The following PPP3CB variants were observed in gnomAD, a reference collection of about 807,000 sequenced individuals.
PPP3CB encodes the protein protein phosphatase 3 catalytic subunit beta.
PPP3CB carries 8 observed loss-of-function variants against 66.4 expected under a neutral mutation model. That is an observed-to-expected ratio of 0.12 (90% CI 0.07 to 0.22). The LOEUF (loss-of-function observed/expected upper bound fraction) is 0.22, where lower values mean the gene tolerates loss of function less well. Among genes scored for constraint, PPP3CB ranks in the 10% least tolerant of loss-of-function variants. The pLI, the probability that PPP3CB is intolerant of heterozygous loss-of-function variation, is 1.00. For missense variants in PPP3CB, 319 were observed against 642.5 expected, an observed-to-expected ratio of 0.50 and a Z score of 5.44; for synonymous variants, 208 against 221.2, an observed-to-expected ratio of 0.94 and a Z score of 0.53.
chr10:73,438,080 G>A lies in PPP3CB; in HGVS notation c.*162C>T. On this transcript the variant is annotated 3_prime_UTR_variant, in exon 14 of 14. Coordinates refer to ENST00000360663, the MANE Select transcript of PPP3CB (RefSeq NM_021132.4). Reference sequence around the variant, plus strand: ...CTTATCAGATAGCACATGTCCCAGGGCCCTCAAGCCTCCATCCAGGAAGGG... The same window carrying A: ...CTTATCAGATAGCACATGTCCCAGGACCCTCAAGCCTCCATCCAGGAAGGG... 3.0e-6 allele frequency: 2 copies of A among 664,634 alleles called. No individual in the cohort carries two copies. The highest frequency in any genetic ancestry group is 3.0e-5 in the East Asian group (1 of 33,868). 41.2% of individuals were successfully genotyped at this position (664,634 alleles called of 1,614,324 possible). A position where few individuals can be genotyped will look rare whatever the true frequency, so the allele number is the denominator to read the frequency against.
chr10:73,444,694 T>C (rs774182655), intron 12 of PPP3CB, 31 bp downstream of exon 12: 1 of 1,613,896 alleles, frequency 6.2e-7, no homozygotes, highest in South Asian at 1.1e-5. Context: ...CCAGTCCATC[T>C]GAGGCACAGC....
Position 73,493,103 on chromosome 10 carries a change from G to A in PPP3CB, c.85+2702C>T, listed in dbSNP as rs1272313468. On this transcript the variant is annotated intron_variant, in intron 1 of 13. Coordinates refer to ENST00000360663, the MANE Select transcript of PPP3CB (RefSeq NM_021132.4). ...AGCCTGGCCAACATGGTGAAACCCC[G>A]TCTCTGCTAAAAAATACAAAAAATT... is the stretch of plus-strand genomic sequence containing the variant. Among the ~76,000 whole-genome samples, 3 of 152,016 alleles carry A rather than the reference G, an allele frequency of 2.0e-5. No homozygotes were observed. In the East Asian group the frequency reaches 5.8e-4, roughly 29 times the overall value.
rs370254375 is a variant in PPP3CB at position 73,451,076 on chromosome 10, A to C, written c.1186+3336T>G. Reference sequence around the variant, plus strand: ...ATTCATATAAATCATAGGTACCTAAAACCAAGTACTATAATTAGACTTAAC... The same window carrying C: ...ATTCATATAAATCATAGGTACCTAACACCAAGTACTATAATTAGACTTAAC... On this transcript the variant is annotated intron_variant, in intron 10 of 13. Transcript: ENST00000360663. Among the ~76,000 whole-genome samples the C allele has an allele frequency of 2.0e-4, 30 of 152,244 alleles. No individual in the cohort carries two copies. In the East Asian group the frequency reaches 2.7e-3, roughly 14 times the overall value.
At chr10:73,444,658 T>A in intron 12 of PPP3CB, 67 bp downstream of exon 12, 1 of 1,604,742 alleles carries the variant, frequency 6.2e-7, no homozygotes, top group Non-Finnish European at 8.5e-7. Flanking sequence ...ATTATGTGAA[T>A]TGTTAGCAAA....
intron 9 of PPP3CB, among the ~76,000 whole-genome samples, chr10:73,460,265 C>CAAAAAAAAAAAAAAAAAAAAAAAAAAAAA (rs11447229): frequency 2.8e-5 from 1 of 35,824 alleles, no homozygotes; most frequent in Non-Finnish European, 5.9e-5. Flanking sequence ...AAAGTAATAG[C>CAAAAAAAAAAAAAAAAAAAAAAAAAAAAA]AAAAAAAAAA....
intron 1 of PPP3CB, among the ~76,000 whole-genome samples, chr10:73,486,460 C>T (rs578231668): frequency 5.9e-5 from 9 of 152,192 alleles, no homozygotes; most frequent in African/African-American, 1.9e-4. Flanking sequence ...CATGCACCAC[C>T]ACGCCTGGCT....
At chr10:73,472,300 G>T (rs961594170) in intron 4 of PPP3CB, among the ~76,000 whole-genome samples, 1 of 152,120 alleles carries the variant, frequency 6.6e-6, no homozygotes, top group Non-Finnish European at 1.5e-5. Context: ...TTTGAGACCA[G>T]TCTGGCCAAC....
At chr10:73,459,430 G>A (rs2056485024) in intron 9 of PPP3CB, among the ~76,000 whole-genome samples, 1 of 152,272 alleles carries the variant, frequency 6.6e-6, no homozygotes, top group Non-Finnish European at 1.5e-5. Flanking sequence ...AGCTTGCAGT[G>A]AGCCAAGATC....
intron 9 of PPP3CB, among the ~76,000 whole-genome samples, chr10:73,461,704 CTT>C (rs1384691450): frequency 6.6e-6 from 1 of 152,142 alleles, no homozygotes; most frequent in Admixed American, 6.5e-5. Flanking sequence ...TGAGTTAAGA[CTT>C]TGGGGAACCA....
chr10:73,485,908 TTGTGTGTGTGTGTG>T lies in PPP3CB; in HGVS notation c.86-6405_86-6392del, dbSNP rs57190155. 9.6e-3 allele frequency among the ~76,000 whole-genome samples: 1,159 copies of T among 121,314 alleles called. 12 individuals carry two copies. Among genetic ancestry groups the T allele is most frequent in the African/African-American group, 0.029 (928 of 32,280 alleles). The allele number at this position is 121,314 out of a possible 152,430, so 79.6% of individuals were successfully genotyped here. On this transcript the variant is annotated intron_variant, in intron 1 of 13. Transcript: ENST00000360663. ...GGCACACACCACCACACCTGGCTAATTGTGTGTGTGTGTGTGTGTGTGTGTGTGTGTGTGTGTGT... is the reference window on the plus strand; with the variant it reads ...GGCACACACCACCACACCTGGCTAATTGTGTGTGTGTGTGTGTGTGTGTGT...
At chr10:73,440,837 T>C (rs930673517) in intron 12 of PPP3CB, among the ~76,000 whole-genome samples, 11 of 152,228 alleles carry the variant, frequency 7.2e-5, no homozygotes, top group African/African-American at 2.7e-4. Context: ...ATTATTGGTA[T>C]AGTGTGTCAC....
intron 8 of PPP3CB, 31 bp from the exon 9 acceptor site, chr10:73,467,709 A>T (rs776837981): frequency 4.0e-6 from 6 of 1,489,276 alleles, no homozygotes; most frequent in Non-Finnish European, 5.5e-6. Flanking sequence ...CAATAACTTA[A>T]TAGATAAGTA....
At chr10:73,439,801 C>T (rs2056117397) in intron 13 of PPP3CB, 71 bp downstream of exon 13, 2 of 1,524,908 alleles carry the variant, frequency 1.3e-6, no homozygotes, top group Admixed American at 1.7e-5. Context: ...GTAAAACACA[C>T]CCACAGGACA....
intron 4 of PPP3CB, among the ~76,000 whole-genome samples, chr10:73,473,370 C>A (rs1362152470): frequency 6.6e-6 from 1 of 152,020 alleles, no homozygotes; most frequent in African/African-American, 2.4e-5. Context: ...AGCACAAAGG[C>A]AGGCCAGATG....
At chr10:73,482,542 CAAA>C (rs537336452) in intron 1 of PPP3CB, among the ~76,000 whole-genome samples, 2 of 36,744 alleles carry the variant, frequency 5.4e-5, no homozygotes, top group African/African-American at 9.5e-5. Flanking sequence ...GACTCCGTCT[CAAA>C]AAAAAAAAAA....
chr10:73,456,509 G>C (rs1327799507), intron 9 of PPP3CB, among the ~76,000 whole-genome samples: 2 of 152,166 alleles, frequency 1.3e-5, no homozygotes, highest in East Asian at 3.8e-4. Flanking sequence ...ACAGAACAGA[G>C]AGTCCAGAAA....
chr10:73,441,219 A>T (rs1357749285), intron 12 of PPP3CB, among the ~76,000 whole-genome samples: 1 of 152,262 alleles, frequency 6.6e-6, no homozygotes, highest in Non-Finnish European at 1.5e-5. Flanking sequence ...TGTTGATCTT[A>T]ACCAGACAGT....
intron 2 of PPP3CB, 37 bp downstream of exon 2, chr10:73,479,280 A>T: frequency 6.4e-7 from 1 of 1,568,398 alleles, no homozygotes; most frequent in Non-Finnish European, 8.8e-7. Context: ...AAATAATGAC[A>T]TAATAAAAAT....
At chr10:73,488,571 A>G (rs1327185331) in intron 1 of PPP3CB, among the ~76,000 whole-genome samples, 1 of 151,628 alleles carries the variant, frequency 6.6e-6, no homozygotes, top group Non-Finnish European at 1.5e-5. Flanking sequence ...AAAAAAAAAA[A>G]AGCCTCATCA....
Sources: gnomAD v4.1 joint callset for allele counts (sites outside exome capture counted in the v4.1 genomes callset) on GRCh38, gnomAD v4.1.1 for gene constraint, MANE v1.5 for transcripts, NCBI Gene and HGNC (gene_info 2026-07-23, HGNC 2026-07-21) for gene names.